ST8SIA6: variants seen among roughly 807,000 people sequenced by gnomAD.
ST8SIA6 encodes the protein ST8 alpha-N-acetyl-neuraminide alpha-2,8-sialyltransferase 6, also known as alpha-2,8-sialyltransferase 8F.
In ST8SIA6, 39 loss-of-function variants were observed where a neutral mutation model predicts 33.6. The observed-to-expected ratio is 1.16, with a 90% CI of 0.90 to 1.52. ST8SIA6 has a LOEUF of 1.52. ST8SIA6 is among the 40% of genes most tolerant of loss of function. ST8SIA6 has a pLI of 0.00. For missense variants in ST8SIA6, 441 were observed against 443.8 expected, an observed-to-expected ratio of 0.99 and a Z score of 0.06; for synonymous variants, 172 against 167.2, an observed-to-expected ratio of 1.03 and a Z score of -0.22.
intron 2 of ST8SIA6, among the ~76,000 whole-genome samples, chr10:17,393,843 C>T (rs1850708175): frequency 6.6e-6 from 1 of 152,216 alleles, no homozygotes; most frequent in South Asian, 2.1e-4. Context: ...TACACATGGG[C>T]TCACAAAAGT....
At chr10:17,362,513 A>G (rs1019428785) in intron 3 of ST8SIA6, among the ~76,000 whole-genome samples, 15 of 152,186 alleles carry the variant, frequency 9.9e-5, no homozygotes, top group African/African-American at 3.4e-4. Flanking sequence ...CTGGATAGCT[A>G]AGATGCTACT....
At chr10:17,385,247 T>C (rs932962068) in intron 3 of ST8SIA6, among the ~76,000 whole-genome samples, 4 of 152,184 alleles carry the variant, frequency 2.6e-5, no homozygotes, top group Non-Finnish European at 5.9e-5. Context: ...CTCAAAAGAA[T>C]GCAACCATTT....
chr10:17,441,042 C>T (rs942360216), intron 2 of ST8SIA6, among the ~76,000 whole-genome samples: 17 of 152,156 alleles, frequency 1.1e-4, no homozygotes, highest in African/African-American at 3.9e-4. Flanking sequence ...TATCTTCTCT[C>T]AGTGGATGGC....
intron 2 of ST8SIA6, among the ~76,000 whole-genome samples, chr10:17,443,039 G>A (rs541506490): frequency 1.6e-4 from 25 of 152,294 alleles, no homozygotes; most frequent in Non-Finnish European, 1.6e-4. Flanking sequence ...TATAGGAAGC[G>A]TAAATACTTT....
intron 3 of ST8SIA6, among the ~76,000 whole-genome samples, chr10:17,367,250 C>A (rs900064088): frequency 6.6e-6 from 1 of 152,098 alleles, no homozygotes; most frequent in Non-Finnish European, 1.5e-5. Flanking sequence ...CTGGGGAGGC[C>A]TCACAAACAT....
intron 4 of ST8SIA6, among the ~76,000 whole-genome samples, chr10:17,332,314 T>C (rs1353468802): frequency 1.3e-5 from 2 of 152,198 alleles, no homozygotes; most frequent in African/African-American, 4.8e-5. Context: ...TACCCAGTAA[T>C]GGGATTGCTG....
At chr10:17,378,940 C>T (rs768463905) in intron 3 of ST8SIA6, among the ~76,000 whole-genome samples, 3 of 152,058 alleles carry the variant, frequency 2.0e-5, no homozygotes, top group African/African-American at 4.8e-5. Context: ...TCCTGGCTAA[C>T]ATGGTGAAAC....
chr10:17,397,189 T>A (rs1216615579), intron 2 of ST8SIA6, among the ~76,000 whole-genome samples: 1 of 151,396 alleles, frequency 6.6e-6, no homozygotes, highest in Admixed American at 6.6e-5. Flanking sequence ...AGCTCCATCC[T>A]CATTTTCTCC....
intron 2 of ST8SIA6, among the ~76,000 whole-genome samples, chr10:17,447,049 A>C (rs1010142038): frequency 1.3e-5 from 2 of 150,908 alleles, no homozygotes; most frequent in African/African-American, 4.9e-5. Flanking sequence ...AAAGAAAAAG[A>C]GAAAAAATAA....
intron 4 of ST8SIA6, among the ~76,000 whole-genome samples, chr10:17,342,442 T>G (rs555212016): frequency 2.0e-5 from 3 of 152,140 alleles, no homozygotes; most frequent in Non-Finnish European, 4.4e-5. Flanking sequence ...GATAAATATT[T>G]CCTCATTGAA....
At chr10:17,425,366 C>A (rs942553493) in intron 2 of ST8SIA6, among the ~76,000 whole-genome samples, 2 of 152,006 alleles carry the variant, frequency 1.3e-5, no homozygotes, top group Non-Finnish European at 2.9e-5. Flanking sequence ...ATCAAGAGTT[C>A]AAGACCAGCC....
intron 4 of ST8SIA6, among the ~76,000 whole-genome samples, chr10:17,341,121 G>A (rs1161886609): frequency 6.6e-6 from 1 of 152,232 alleles, no homozygotes; most frequent in African/African-American, 2.4e-5. Context: ...CTAGAACCCA[G>A]CAGTGTGCAC....
chr10:17,355,954 T>C (rs1277436445), intron 4 of ST8SIA6, among the ~76,000 whole-genome samples: 1 of 152,190 alleles, frequency 6.6e-6, no homozygotes, highest in Non-Finnish European at 1.5e-5. Context: ...ATCTTCAGAG[T>C]TATAGCTCAA....
At chr10:17,355,108 C>T (rs1006492424) in intron 4 of ST8SIA6, among the ~76,000 whole-genome samples, 9 of 152,102 alleles carry the variant, frequency 5.9e-5, no homozygotes, top group Non-Finnish European at 4.4e-5. Context: ...TTGGAGAAGC[C>T]CTATCTCTTA....
chr10:17,392,122 G>C (rs1850638678), intron 2 of ST8SIA6, among the ~76,000 whole-genome samples: 1 of 152,126 alleles, frequency 6.6e-6, no homozygotes, highest in Non-Finnish European at 1.5e-5. Context: ...AAATAGACAT[G>C]GTCTTATTCC....
At chr10:17,331,149 G>C (rs1477222163) in intron 5 of ST8SIA6, among the ~76,000 whole-genome samples, 3 of 152,176 alleles carry the variant, frequency 2.0e-5, no homozygotes, top group Non-Finnish European at 4.4e-5. Flanking sequence ...GGAAGCCCGA[G>C]TGTCTCATCT....
At chr10:17,383,442 T>A (rs1850228645) in intron 3 of ST8SIA6, among the ~76,000 whole-genome samples, 1 of 152,236 alleles carries the variant, frequency 6.6e-6, no homozygotes, top group South Asian at 2.1e-4. Context: ...TCCAAAATTA[T>A]GGGAAACTCC....
At chr10:17,355,740 G>T (rs1194812201) in intron 4 of ST8SIA6, among the ~76,000 whole-genome samples, 2 of 152,126 alleles carry the variant, frequency 1.3e-5, no homozygotes, top group African/African-American at 4.8e-5. Flanking sequence ...TTGGGCTCCT[G>T]GTAGCTACAG....
chr10:17,326,103 C>T (rs1848121556), intron 6 of ST8SIA6, among the ~76,000 whole-genome samples: 1 of 152,088 alleles, frequency 6.6e-6, no homozygotes, highest in South Asian at 2.1e-4. Context: ...GTTGCACTGT[C>T]GGGTCTATTG....
Sources: gnomAD v4.1 joint callset for allele counts (sites outside exome capture counted in the v4.1 genomes callset) on GRCh38, gnomAD v4.1.1 for gene constraint, MANE v1.5 for transcripts, NCBI Gene and HGNC (gene_info 2026-07-23, HGNC 2026-07-21) for gene names.